Variants in CSRNP3 observed in about 807,000 individuals in gnomAD.
CSRNP3 encodes the protein cysteine and serine rich nuclear protein 3, also known as cysteine/serine-rich nuclear protein 3.
Under a neutral mutation model 48.0 loss-of-function variants are expected in CSRNP3, and 12 were observed. The observed-to-expected ratio is 0.25, with a 90% CI of 0.16 to 0.41. CSRNP3 has a LOEUF of 0.41. CSRNP3 is among the 10% of genes least tolerant of loss of function. The probability of loss-of-function intolerance (pLI) is 1.00; values close to 1 mark genes in which losing one functional copy is unlikely to be tolerated. For missense variants in CSRNP3, 580 were observed against 724.4 expected (o/e 0.80, Z 2.29); for synonymous variants, 263 against 269.7 (o/e 0.98, Z 0.24).
At position 165,680,670 on chromosome 2, in the gene CSRNP3, G is replaced by C. The variant is rs1192608187; in HGVS notation, c.*917G>C. Reference sequence around the variant, plus strand: ...GTACCTCGTGTGGGGTGGGGACTGAGAACTCTTTGAGATGAAAAAATTTAA... The same window carrying C: ...GTACCTCGTGTGGGGTGGGGACTGACAACTCTTTGAGATGAAAAAATTTAA... On this transcript the variant is annotated 3_prime_UTR_variant, in exon 7 of 7. Transcript: ENST00000651982. 3.3e-5 allele frequency: 5 copies of C among 152,286 alleles called. No individual in the cohort carries two copies. Among genetic ancestry groups the C allele is most frequent in the African/African-American group, 1.2e-4 (5 of 41,340 alleles). 9.4% of individuals were successfully genotyped at this position (152,286 alleles called of 1,614,324 possible). A position where few individuals can be genotyped will look rare whatever the true frequency, so the allele number is the denominator to read the frequency against.
intron 4 of CSRNP3, among the ~76,000 whole-genome samples, chr2:165,618,863 T>C (rs888825644): frequency 3.9e-5 from 6 of 152,214 alleles, no homozygotes; most frequent in African/African-American, 1.4e-4. Context: ...TATACCAGTA[T>C]TGTGCTAGAT....
chr2:165,681,758 TATACACAC>T lies in CSRNP3; in HGVS notation c.*2007_*2014del, dbSNP rs1275104044. ...ATATATATATATATATATATATATA[TATACACAC>T]ACACACACACATACACATATATATA... On this transcript the variant is annotated 3_prime_UTR_variant, in exon 7 of 7. Coordinates refer to ENST00000651982, the MANE Select transcript of CSRNP3 (RefSeq NM_001172173.2). 2 of 50,810 alleles carry T rather than the reference TATACACAC, an allele frequency of 3.9e-5. No individual in the cohort carries two copies. The highest frequency in any genetic ancestry group is 1.1e-4 in the African/African-American group (2 of 19,034). The allele number at this position is 50,810 out of a possible 1,614,324, so 3.1% of individuals were successfully genotyped here.
At chr2:165,676,029 C>T (rs1687416664) in intron 5 of CSRNP3, among the ~76,000 whole-genome samples, 1 of 152,152 alleles carries the variant, frequency 6.6e-6, no homozygotes, top group Non-Finnish European at 1.5e-5. Context: ...GTGTTTTTCA[C>T]ATAGCACTCT....
chr2:165,613,436 C>T lies in CSRNP3; in HGVS notation c.148+18223C>T, dbSNP rs558523126. Among the ~76,000 whole-genome samples the T allele has an allele frequency of 1.4e-4, 22 of 152,116 alleles. 1 individual carries two copies. In the South Asian group the frequency reaches 4.6e-3, roughly 32 times the overall value. ...ATGTATCTATTTTTGTTTCTGTTGC[C>T]TACATTTTTGAAGTCTTACCCATGA... On this transcript the variant is annotated intron_variant, in intron 4 of 6. Transcript: ENST00000651982.
chr2:165,610,267 T>A (rs111643756), intron 4 of CSRNP3, among the ~76,000 whole-genome samples: 11 of 152,312 alleles, frequency 7.2e-5, no homozygotes, highest in African/African-American at 2.6e-4. Context: ...AACAGCATAA[T>A]CAATCTTTCT....
chr2:165,561,856 T>G (rs1009744829), intron 3 of CSRNP3, among the ~76,000 whole-genome samples: 13 of 152,274 alleles, frequency 8.5e-5, no homozygotes, highest in African/African-American at 2.9e-4. Flanking sequence ...CAGGGGATTC[T>G]CATTATTAAT....
rs146366664 is a variant in CSRNP3 at position 165,544,126 on chromosome 2, A to T, written c.-24+26165A>T. Among the ~76,000 whole-genome samples, 9 of 152,246 alleles carry T rather than the reference A, an allele frequency of 5.9e-5. No individual in the cohort carries two copies. In the South Asian group the frequency reaches 6.2e-4, roughly 11 times the overall value. On this transcript the variant is annotated intron_variant, in intron 3 of 6. Transcript: ENST00000651982. ...ATAAAACTGGAACTAAGTAAGTGGA[A>T]TCTGAGGTACAGAGTAGAGGGGCAG...
chr2:165,615,541 TA>T (rs35407045), intron 4 of CSRNP3, among the ~76,000 whole-genome samples: 139 of 144,144 alleles, frequency 9.6e-4, no homozygotes, highest in Middle Eastern at 3.6e-3. Flanking sequence ...AGACTCCATC[TA>T]AAAAAAAAAA....
intron 4 of CSRNP3, among the ~76,000 whole-genome samples, chr2:165,628,605 T>A (rs1686479035): frequency 6.6e-6 from 1 of 151,902 alleles, no homozygotes; most frequent in Non-Finnish European, 1.5e-5. Flanking sequence ...GCGCCTATAA[T>A]CCCAGCTACT....
At chr2:165,521,269 A>C (rs538670037) in intron 3 of CSRNP3, among the ~76,000 whole-genome samples, 13 of 152,196 alleles carry the variant, frequency 8.5e-5, no homozygotes, top group Admixed American at 8.5e-4. Flanking sequence ...TCTGTTAGGG[A>C]TAGATTCTTC....
chr2:165,668,401 C>CTT (rs71393687), intron 5 of CSRNP3, among the ~76,000 whole-genome samples: 4,192 of 111,436 alleles, frequency 0.038, 257 homozygotes, highest in African/African-American at 0.064. Context: ...TTCTTTCTTT[C>CTT]TTTTTTTTTT....
chr2:165,537,790 A>G (rs1379142203), intron 3 of CSRNP3, among the ~76,000 whole-genome samples: 2 of 151,210 alleles, frequency 1.3e-5, no homozygotes, highest in Non-Finnish European at 3.0e-5. Flanking sequence ...TTCTCTTTGT[A>G]TTGATCTTAG....
chr2:165,532,739 A>T (rs1486950472), intron 3 of CSRNP3, among the ~76,000 whole-genome samples: 1 of 151,998 alleles, frequency 6.6e-6, no homozygotes, highest in Non-Finnish European at 1.5e-5. Flanking sequence ...GAAATAAAGG[A>T]TATTCAATTA....
intron 5 of CSRNP3, among the ~76,000 whole-genome samples, chr2:165,675,465 G>A (rs1687408297): frequency 2.0e-5 from 3 of 152,088 alleles, no homozygotes; most frequent in African/African-American, 7.2e-5. Flanking sequence ...GAAACATAAC[G>A]TGATACAATA....
intron 3 of CSRNP3, among the ~76,000 whole-genome samples, chr2:165,556,558 C>A (rs941390632): frequency 8.6e-5 from 13 of 151,884 alleles, no homozygotes; most frequent in African/African-American, 3.1e-4. Flanking sequence ...TGAAGAGGGA[C>A]CTGCATGGCA....
At chr2:165,616,636 A>G (rs1686249399) in intron 4 of CSRNP3, among the ~76,000 whole-genome samples, 1 of 152,170 alleles carries the variant, frequency 6.6e-6, no homozygotes, top group South Asian at 2.1e-4. Flanking sequence ...AATGTGAGAG[A>G]GATTCCCTTT....
rs1296010664 is a variant in CSRNP3, at chr2:165,686,460, C to G, written c.*6707C>G. ...TTAAAAAAGCCACCCCTCTTTAAAACAAATTTAAAGATCTATATACATTTT... is the reference window on the plus strand; with the variant it reads ...TTAAAAAAGCCACCCCTCTTTAAAAGAAATTTAAAGATCTATATACATTTT... On this transcript the variant is annotated 3_prime_UTR_variant, in exon 7 of 7. Coordinates refer to ENST00000651982, the MANE Select transcript of CSRNP3 (RefSeq NM_001172173.2). The G allele has an allele frequency of 1.3e-5, 2 of 151,876 alleles. No homozygotes were observed. 9.4% of individuals were successfully genotyped at this position (151,876 alleles called of 1,614,324 possible). A position where few individuals can be genotyped will look rare whatever the true frequency, so the allele number is the denominator to read the frequency against.
intron 3 of CSRNP3, among the ~76,000 whole-genome samples, chr2:165,563,294 C>A (rs1202453677): frequency 6.6e-6 from 1 of 152,128 alleles, no homozygotes; most frequent in Non-Finnish European, 1.5e-5. Flanking sequence ...TAGGAGTATG[C>A]ACCTGTAACG....
chr2:165,572,106 T>C (rs1399670095), intron 3 of CSRNP3, among the ~76,000 whole-genome samples: 1 of 152,142 alleles, frequency 6.6e-6, no homozygotes, highest in Non-Finnish European at 1.5e-5. Flanking sequence ...CTTATTAAAA[T>C]AAAATCTAGT....
Sources: allele counts gnomAD v4.1 joint callset (sites outside exome capture counted in the v4.1 genomes callset), GRCh38; gene constraint gnomAD v4.1.1; transcripts MANE v1.5; gene names NCBI Gene and HGNC (gene_info 2026-07-23, HGNC 2026-07-21).